The following RNF17 variants were observed in gnomAD, a reference collection of about 807,000 sequenced individuals.
RNF17 encodes spermatogenesis associated 23.
A neutral mutation model predicts 200.5 loss-of-function variants in RNF17; 31 were observed. The observed-to-expected ratio is 0.15, with a 90% CI of 0.12 to 0.21. The LOEUF (loss-of-function observed/expected upper bound fraction) is 0.21, where lower values mean the gene tolerates loss of function less well. Ranked by LOEUF, RNF17 falls within the 10% of genes least tolerant of loss-of-function variation. The probability of loss-of-function intolerance (pLI) is 1.00; values close to 1 mark genes in which losing one functional copy is unlikely to be tolerated. For missense variants in RNF17, 1,628 were observed against 1,905.1 expected (o/e 0.85, Z 2.71); for synonymous variants, 606 against 637.8 (o/e 0.95, Z 0.75).
chr13:24,759,983 A>G (rs1312191461), upstream of RNF17, among the ~76,000 whole-genome samples: 2 of 152,122 alleles, frequency 1.3e-5, no homozygotes, highest in Non-Finnish European at 2.9e-5. Context: ...TCTACTAAAA[A>G]TACAAAAAAT....
chr13:24,863,351 A>G (rs1353848775), intron 28 of RNF17, among the ~76,000 whole-genome samples: 1 of 152,214 alleles, frequency 6.6e-6, no homozygotes, highest in Non-Finnish European at 1.5e-5. Flanking sequence ...AAATGCACAA[A>G]GGTACAGAGA....
upstream of RNF17, among the ~76,000 whole-genome samples, chr13:24,759,523 G>A (rs1003993694): frequency 2.0e-5 from 3 of 152,158 alleles, no homozygotes; most frequent in African/African-American, 7.2e-5. Context: ...GTCAAAATAA[G>A]GGTGAGGGAA....
chr13:24,784,741 CTG>C (rs1168507264), intron 6 of RNF17, among the ~76,000 whole-genome samples: 1 of 152,116 alleles, frequency 6.6e-6, no homozygotes, highest in East Asian at 1.9e-4. Flanking sequence ...GATTCTCGCT[CTG>C]TCACCCAGGC....
chr13:24,884,403 C>A (rs763097118), downstream of RNF17: 7 of 1,613,946 alleles, frequency 4.3e-6, no homozygotes, highest in Non-Finnish European at 1.7e-6. Context: ...GCACTCACTT[C>A]CTTTCGAGTT....
At chr13:24,786,654 A>G (rs900173567) in intron 6 of RNF17, among the ~76,000 whole-genome samples, 4 of 152,210 alleles carry the variant, frequency 2.6e-5, no homozygotes, top group African/African-American at 9.6e-5. Flanking sequence ...ACTTTTGAAG[A>G]ATACTTTGAC....
At chr13:24,840,692 G>T (rs1424199670) in intron 18 of RNF17, among the ~76,000 whole-genome samples, 1 of 151,958 alleles carries the variant, frequency 6.6e-6, no homozygotes, top group Non-Finnish European at 1.5e-5. Flanking sequence ...ATATGTGGGA[G>T]CTAAGCTATG....
chr13:24,876,882 C>G, intron 33 of RNF17, 115 bp from the exon 34 acceptor site: 1 of 815,502 alleles, frequency 1.2e-6, no homozygotes, highest in African/African-American at 1.8e-5. Context: ...GTGTCGTATC[C>G]AAAAAAATCA....
intron 31 of RNF17, among the ~76,000 whole-genome samples, chr13:24,869,553 G>C (rs1400168757): frequency 2.0e-5 from 3 of 152,152 alleles, no homozygotes; most frequent in African/African-American, 4.8e-5. Flanking sequence ...GATGTTGGCA[G>C]GGGCTGCAGA....
intron 17 of RNF17, among the ~76,000 whole-genome samples, chr13:24,831,181 C>T (rs2138024145): frequency 6.6e-6 from 1 of 151,586 alleles, no homozygotes; most frequent in Non-Finnish European, 1.5e-5. Context: ...TGGCTCATGC[C>T]TGTAATCCCA....
At chr13:24,753,123 C>G in the RNF17 span, among the ~76,000 whole-genome samples, 1 of 152,162 alleles carries the variant, frequency 6.6e-6, no homozygotes, top group Non-Finnish European at 1.5e-5. Context: ...ATCAGACTTT[C>G]TAATCTAACT....
chr13:24,833,200 A>G (rs943955084), intron 18 of RNF17, among the ~76,000 whole-genome samples: 1 of 152,218 alleles, frequency 6.6e-6, no homozygotes, highest in Non-Finnish European at 1.5e-5. Context: ...TACTGTGTCC[A>G]TGCCTTTCCT....
chr13:24,805,113 T>C (rs893517479), intron 15 of RNF17, among the ~76,000 whole-genome samples: 1 of 152,202 alleles, frequency 6.6e-6, no homozygotes, highest in African/African-American at 2.4e-5. Flanking sequence ...TGCATCACAC[T>C]GTAGTGGCTC....
In RNF17 at chr13:24,816,604, C is replaced by T. The variant is rs74240493; in HGVS notation, c.2092-9015C>T. Reference sequence around the variant, plus strand: ...GGACCTTAATAAAGGCAGAGTTCCACAGATTCACTCTTATCTGTGATTAAC... The same window carrying T: ...GGACCTTAATAAAGGCAGAGTTCCATAGATTCACTCTTATCTGTGATTAAC... On this transcript the variant is annotated intron_variant, in intron 15 of 35. Coordinates refer to ENST00000255324, the MANE Select transcript of RNF17 (RefSeq NM_031277.3). 2.0e-3 allele frequency among the ~76,000 whole-genome samples: 299 copies of T among 152,352 alleles called. 4 individuals carry two copies. In the East Asian group the frequency reaches 0.051, roughly 26 times the overall value.
At chr13:24,777,150 T>G (rs1453870410) in intron 3 of RNF17, among the ~76,000 whole-genome samples, 3 of 152,248 alleles carry the variant, frequency 2.0e-5, no homozygotes, top group African/African-American at 7.2e-5. Context: ...TGATTTGTCT[T>G]TAATATTTTG....
chr13:24,872,014 G>T (rs1450198274), intron 32 of RNF17, among the ~76,000 whole-genome samples: 1 of 141,950 alleles, frequency 7.0e-6, no homozygotes, highest in African/African-American at 2.6e-5. Flanking sequence ...TGTTGCCCAG[G>T]CTGGAGTGCA....
At chr13:24,824,247 T>C (rs1888396377) in intron 15 of RNF17, 2 of 712,466 alleles carry the variant, frequency 2.8e-6, no homozygotes, top group Non-Finnish European at 5.2e-6. Context: ...TTTCAATGTT[T>C]CTGTATTGGA....
intron 21 of RNF17, 47 bp from the exon 22 acceptor site, chr13:24,844,914 T>C (rs1891078433): frequency 1.3e-6 from 2 of 1,555,362 alleles, no homozygotes; most frequent in South Asian, 1.1e-5. Context: ...CAAAAAAATA[T>C]TTCGAAATGT....
At chr13:24,812,295 C>T (rs1326572267) in intron 15 of RNF17, among the ~76,000 whole-genome samples, 1 of 151,814 alleles carries the variant, frequency 6.6e-6, no homozygotes, top group Non-Finnish European at 1.5e-5. Flanking sequence ...GTCAGCGAGA[C>T]TCCGTGGGCG....
chr13:24,757,512 C>T, the RNF17 span, among the ~76,000 whole-genome samples: 2 of 151,886 alleles, frequency 1.3e-5, no homozygotes, highest in South Asian at 2.1e-4. Flanking sequence ...TTAATAGAGA[C>T]GGGGTTTCAC....
Sources: allele counts gnomAD v4.1 joint callset (sites outside exome capture counted in the v4.1 genomes callset), GRCh38; gene constraint gnomAD v4.1.1; transcripts MANE v1.5; gene names NCBI Gene and HGNC (gene_info 2026-07-23, HGNC 2026-07-21).